DNAH11: variants seen among roughly 807,000 people sequenced by gnomAD.
DNAH11 encodes the protein axonemal beta dynein heavy chain 11.
In DNAH11, 442 loss-of-function variants were observed where a neutral mutation model predicts 526.0. The observed-to-expected ratio is 0.84, with a 90% CI of 0.78 to 0.91. DNAH11 has a LOEUF of 0.91. Among genes scored for constraint, DNAH11 ranks in the 40% least tolerant of loss-of-function variants. The probability of loss-of-function intolerance (pLI) is 0.00; values close to 1 mark genes in which losing one functional copy is unlikely to be tolerated. For missense variants in DNAH11, 6,989 were observed against 5,448.7 expected (o/e 1.28, Z -8.90); for synonymous variants, 2,461 against 1,935.9 (o/e 1.27, Z -7.12).
intron 8 of DNAH11, among the ~76,000 whole-genome samples, chr7:21,577,942 C>T (rs1423863663): frequency 6.6e-6 from 1 of 152,126 alleles, no homozygotes; most frequent in African/African-American, 2.4e-5. Context: ...CTACAAAGAA[C>T]TACCTGAGAC....
chr7:21,543,177 T>A lies in DNAH11; in HGVS notation c.-69T>A. 1 of 1,447,176 alleles carries A rather than the reference T, an allele frequency of 6.9e-7. No homozygotes were observed. Among genetic ancestry groups the A allele is most frequent in the South Asian group, 1.4e-5 (1 of 68,994 alleles). The allele number at this position is 1,447,176 out of a possible 1,614,324, so 89.6% of individuals were successfully genotyped here. A position where few individuals can be genotyped will look rare whatever the true frequency, so the allele number is the denominator to read the frequency against. ...TGGGCGCCTGCGGAGGTGTCCTCGCTCACTTCGGGGGGCCCAGAGTCTCGG... is the reference window on the plus strand; with the variant it reads ...TGGGCGCCTGCGGAGGTGTCCTCGCACACTTCGGGGGGCCCAGAGTCTCGG... On this transcript the variant is annotated 5_prime_UTR_variant, in exon 1 of 82. Transcript: ENST00000409508.
At chr7:21,801,530 C>T (rs1368301532) in intron 62 of DNAH11, among the ~76,000 whole-genome samples, 2 of 152,174 alleles carry the variant, frequency 1.3e-5, no homozygotes, top group Non-Finnish European at 2.9e-5. Flanking sequence ...TATACTTTAT[C>T]AGAATTTAGT....
At chr7:21,748,439 A>C (rs1786251256) in intron 51 of DNAH11, 141 bp from the exon 52 acceptor site, 4 of 938,234 alleles carry the variant, frequency 4.3e-6, no homozygotes, top group Non-Finnish European at 5.6e-6. Context: ...CAATGAGCCA[A>C]GATCGCGCCA....
intron 42 of DNAH11, among the ~76,000 whole-genome samples, chr7:21,717,389 T>C (rs1403886073): frequency 1.3e-5 from 2 of 152,138 alleles, no homozygotes; most frequent in South Asian, 2.1e-4. Flanking sequence ...ACTAAATAAT[T>C]GATGCCAAGA....
At chr7:21,887,038 G>A (rs1312120783) in intron 76 of DNAH11, among the ~76,000 whole-genome samples, 1 of 152,202 alleles carries the variant, frequency 6.6e-6, no homozygotes, top group African/African-American at 2.4e-5. Context: ...TTAGCAACAT[G>A]ATCTAACACT....
At position 21,765,606 on chromosome 7, in the gene DNAH11, T is replaced by C. The variant is rs1787142510; in HGVS notation, c.9102+17T>C. The C allele has an allele frequency of 8.2e-7, 1 of 1,217,154 alleles. No homozygotes were observed. Among genetic ancestry groups the C allele is most frequent in the Non-Finnish European group, 1.1e-6 (1 of 894,948 alleles). The allele number at this position is 1,217,154 out of a possible 1,614,324, so 75.4% of individuals were successfully genotyped here. On this transcript the variant is annotated intron_variant, in intron 55 of 81. Coordinates refer to ENST00000409508, the MANE Select transcript of DNAH11 (RefSeq NM_001277115.2). ...GGAATTGAGGTATGCCGTGTCAGCCTGCGTCACACACACACACACACACAC... is the reference window on the plus strand; with the variant it reads ...GGAATTGAGGTATGCCGTGTCAGCCCGCGTCACACACACACACACACACAC...
At chr7:21,818,700 T>C (rs1180720758) in intron 65 of DNAH11, among the ~76,000 whole-genome samples, 1 of 152,200 alleles carries the variant, frequency 6.6e-6, no homozygotes, top group Non-Finnish European at 1.5e-5. Context: ...CCCTGTTTAA[T>C]GTTTTTCTTT....
intron 51 of DNAH11, 62 bp downstream of exon 51, chr7:21,745,125 T>A (rs1786087825): frequency 1.3e-6 from 2 of 1,504,752 alleles, no homozygotes; most frequent in Non-Finnish European, 1.8e-6. Flanking sequence ...TCCACTACTG[T>A]CATTTTTCAA....
chr7:21,685,794 A>G (rs182800295), intron 32 of DNAH11, among the ~76,000 whole-genome samples: 3 of 152,310 alleles, frequency 2.0e-5, no homozygotes, highest in African/African-American at 7.2e-5. Flanking sequence ...TGGTTTCCAC[A>G]TGTGTTTTAG....
chr7:21,739,620 G>A lies in DNAH11; in HGVS notation c.7861G>A (p.Val2621Ile), dbSNP rs1444502845. Residue 2621 changes from valine (V) to isoleucine (I), a missense_variant, in exon 48 of 82, where the codon GTC becomes ATC. Transcript: ENST00000409508. The stretch of plus-strand genomic sequence containing the variant: ...TAAAGAAATCCATAACTGCCAGTAT[G>A]TCGCCTGCATGAATCCGATGGTGGG... The part of the protein sequence containing the change: ...MLKEIHNCQY[V>I]ACMNPMVGSF... 4.3e-6 allele frequency: 7 copies of A among 1,612,852 alleles called. No homozygotes were observed. The East Asian group carries it at 1.3e-4, about 31-fold the overall frequency.
chr7:21,664,918 C>A (rs1185005834), intron 30 of DNAH11, among the ~76,000 whole-genome samples: 1 of 152,110 alleles, frequency 6.6e-6, no homozygotes, highest in Non-Finnish European at 1.5e-5. Context: ...GAAATGGGAA[C>A]ATTTCTGTCC....
At chr7:21,758,863 T>C (rs1476191297) in intron 54 of DNAH11, among the ~76,000 whole-genome samples, 1 of 152,228 alleles carries the variant, frequency 6.6e-6, no homozygotes, top group Non-Finnish European at 1.5e-5. Context: ...GTCTGAGGCC[T>C]GTTCTTGCAA....
At chr7:21,855,144 G>A (rs912355078) in intron 68 of DNAH11, among the ~76,000 whole-genome samples, 6 of 148,804 alleles carry the variant, frequency 4.0e-5, no homozygotes, top group Non-Finnish European at 8.9e-5. Context: ...CCATTCTCCT[G>A]CCTCAGCCTC....
Position 21,606,556 on chromosome 7 carries a change from CAAGTTTTTGTTTT to C in DNAH11, c.3765+18_3765+30del, listed in dbSNP as rs748160706. The C allele has an allele frequency of 6.3e-7, 1 of 1,592,320 alleles. No homozygotes were observed. Among genetic ancestry groups the C allele is most frequent in the Non-Finnish European group, 8.5e-7 (1 of 1,172,104 alleles). On this transcript the variant is annotated intron_variant, in intron 19 of 81. Coordinates refer to ENST00000409508, the MANE Select transcript of DNAH11 (RefSeq NM_001277115.2). ...ATTTTGTTTGACGTAAGCTAGTTACCAAGTTTTTGTTTTAAGAAAGGTTTTACTAGGATAATTG... is the reference window on the plus strand; with the variant it reads ...ATTTTGTTTGACGTAAGCTAGTTACCAAGAAAGGTTTTACTAGGATAATTG...
intron 54 of DNAH11, among the ~76,000 whole-genome samples, chr7:21,764,924 C>A (rs1210232992): frequency 6.6e-6 from 1 of 152,020 alleles, no homozygotes; most frequent in Non-Finnish European, 1.5e-5. Context: ...CTTTAAAAAT[C>A]TGAAGCGGAA....
intron 61 of DNAH11, among the ~76,000 whole-genome samples, chr7:21,796,392 G>T (rs111662656): frequency 0.014 from 2,070 of 152,238 alleles, 42 homozygotes; most frequent in African/African-American, 0.047. Context: ...TGGAAAGATA[G>T]CTGTGGGCCA....
intron 8 of DNAH11, among the ~76,000 whole-genome samples, chr7:21,573,534 A>T (rs1192116093): frequency 6.6e-6 from 1 of 152,204 alleles, no homozygotes; most frequent in Non-Finnish European, 1.5e-5. Context: ...TTTGCCTATC[A>T]TTATTACTTT....
At chr7:21,609,103 C>T (rs900466647) in intron 20 of DNAH11, among the ~76,000 whole-genome samples, 1 of 152,148 alleles carries the variant, frequency 6.6e-6, no homozygotes, top group Non-Finnish European at 1.5e-5. Context: ...AAATGAGGTT[C>T]CCTGGTTAAG....
At chr7:21,681,811 T>C in intron 31 of DNAH11, 134 bp downstream of exon 31, 2 of 1,112,704 alleles carry the variant, frequency 1.8e-6, no homozygotes, top group South Asian at 1.2e-5. Flanking sequence ...AAGTTGTGTT[T>C]GTCTTGGGTG....
Sources: gnomAD v4.1 joint callset for allele counts (sites outside exome capture counted in the v4.1 genomes callset) on GRCh38, gnomAD v4.1.1 for gene constraint, MANE v1.5 for transcripts, NCBI Gene and HGNC (gene_info 2026-07-23, HGNC 2026-07-21) for gene names.